Variants in SPAG1 observed in about 807,000 individuals in gnomAD.
SPAG1 encodes the protein sperm associated antigen 1.
Under a neutral mutation model 100.5 loss-of-function variants are expected in SPAG1, and 69 were observed. The observed-to-expected ratio is 0.69, with a 90% CI of 0.57 to 0.84. The LOEUF (loss-of-function observed/expected upper bound fraction) is 0.84. Among genes scored for constraint, SPAG1 ranks in the 40% least tolerant of loss-of-function variants. The pLI is 0.00. For synonymous variants in SPAG1, 336 were observed against 411.6 expected (o/e 0.82, Z 2.22); for missense variants, 955 against 1,133.1 (o/e 0.84, Z 2.26).
At position 100,162,288 on chromosome 8, in the gene SPAG1, C is replaced by G; in HGVS notation, c.8C>G (p.Thr3Ser). 1 of 1,597,816 alleles carries G rather than the reference C, an allele frequency of 6.3e-7. No homozygotes were observed. The highest frequency in any genetic ancestry group is 8.5e-7 in the Non-Finnish European group (1 of 1,174,066). ...AAATATTGTATTTCAGCTATGACCA[C>G]CAAAGATTATCCATCATTGTGGGGC... is the stretch of plus-strand genomic sequence containing the variant. Reference protein sequence around the residue: MTTKDYPSLWGFG... With the variant: MTSKDYPSLWGFG... Residue 3 changes from threonine to serine, a missense_variant, in exon 2 of 19, where the codon ACC (threonine) becomes AGC (serine). Physicochemically the swap from Thr to Ser is moderately conservative, Grantham distance 58 (BLOSUM62 1). Transcript: ENST00000388798.
intron 2 of SPAG1, 108 bp downstream of exon 2, chr8:100,162,528 A>G: frequency 1.1e-6 from 1 of 893,182 alleles, no homozygotes. Flanking sequence ...TTGCCCATGC[A>G]TGGTAGGTCC....
intron 16 of SPAG1, among the ~76,000 whole-genome samples, chr8:100,236,577 T>A (rs1819017112): frequency 6.6e-6 from 1 of 152,210 alleles, no homozygotes; most frequent in African/African-American, 2.4e-5. Flanking sequence ...TGCCTTTAGC[T>A]CCCAGCTCAA....
intron 3 of SPAG1, among the ~76,000 whole-genome samples, chr8:100,169,411 C>T (rs1815718542): frequency 6.6e-6 from 1 of 152,156 alleles, no homozygotes. Context: ...GGCTGGACAA[C>T]ACAGCAAGAC....
In SPAG1 at chr8:100,194,361, C is replaced by CT. The variant is rs1317027624; in HGVS notation, c.1096+94dup. 5 of 1,528,892 alleles carry CT rather than the reference C, an allele frequency of 3.3e-6. No individual in the cohort carries two copies. The South Asian group carries it at 6.1e-5, about 19-fold the overall frequency. The allele number at this position is 1,528,892 out of a possible 1,614,324, so 94.7% of individuals were successfully genotyped here. A position where few individuals can be genotyped will look rare whatever the true frequency, so the allele number is the denominator to read the frequency against. On this transcript the variant is annotated intron_variant, in intron 10 of 18. Transcript: ENST00000388798. Reference sequence around the variant, plus strand: ...TTCTATTCGTACAGAAATTCGTAATCTATCAGTTTTTCTAGCTTTGCCTTG... The same window carrying CT: ...TTCTATTCGTACAGAAATTCGTAATCTTATCAGTTTTTCTAGCTTTGCCTTG...
chr8:100,203,039 T>A (rs1817356093), intron 10 of SPAG1, among the ~76,000 whole-genome samples: 1 of 152,182 alleles, frequency 6.6e-6, no homozygotes, highest in African/African-American at 2.4e-5. Context: ...AAAGTATTGA[T>A]CCTGGGTGTG....
intron 12 of SPAG1, among the ~76,000 whole-genome samples, chr8:100,214,721 G>A (rs1817888952): frequency 6.6e-6 from 1 of 152,012 alleles, no homozygotes; most frequent in Non-Finnish European, 1.5e-5. Context: ...AGTGGCTCAC[G>A]CCTGTAATCC....
rs759639859 is a variant in SPAG1, at chr8:100,183,413, A to G, written c.465A>G (p.Pro155=). 1.3e-6 allele frequency: 2 copies of G among 1,502,008 alleles called. No individual in the cohort carries two copies. Among genetic ancestry groups the G allele is most frequent in the Admixed American group, 1.8e-5 (1 of 56,254 alleles). 93.0% of individuals were successfully genotyped at this position (1,502,008 alleles called of 1,614,324 possible). A position where few individuals can be genotyped will look rare whatever the true frequency, so the allele number is the denominator to read the frequency against. The change falls in exon 5 of 19, where the codon CCA becomes CCG. Residue 155 remains proline (P), a synonymous_variant. Coordinates refer to ENST00000388798, the MANE Select transcript of SPAG1 (RefSeq NM_003114.5). ...YSKRPTKKKT[P]RDYAEWDKFD... is the part of the protein sequence containing the mutation. ...AAAGACCAACTAAAAAGAAAACTCC[A>G]AGGGATTACGCGGAATGGGATAAGT...
intron 10 of SPAG1, chr8:100,194,732 A>T (rs1816957688): frequency 8.5e-6 from 2 of 235,722 alleles, no homozygotes; most frequent in South Asian, 3.3e-4. Context: ...AAAAGAAATA[A>T]GTATAATTTA....
intron 10 of SPAG1, among the ~76,000 whole-genome samples, chr8:100,204,226 C>T (rs993440028): frequency 2.6e-5 from 4 of 152,118 alleles, no homozygotes; most frequent in Admixed American, 2.0e-4. Flanking sequence ...CCCCAACAAC[C>T]TTGTTTGCTT....
At position 100,239,523 on chromosome 8, in the gene SPAG1, G is replaced by A. The variant is rs1586567410; in HGVS notation, c.2280+119G>A. Reference sequence around the variant, plus strand: ...TTTTGTGTTTTTATTCTGATGATCAGTGACAAAATTTTAACCAGCAACAAA... The same window carrying A: ...TTTTGTGTTTTTATTCTGATGATCAATGACAAAATTTTAACCAGCAACAAA... On this transcript the variant is annotated intron_variant, in intron 17 of 18. Transcript: ENST00000388798. The surrounding 1 kb of genome is among the most constrained non-coding windows in gnomAD (Gnocchi z 5.0). The A allele has an allele frequency of 4.4e-6, 3 of 686,784 alleles. No individual in the cohort carries two copies. Among genetic ancestry groups the A allele is most frequent in the Non-Finnish European group, 7.5e-6 (3 of 402,506 alleles). 42.5% of individuals were successfully genotyped at this position (686,784 alleles called of 1,614,324 possible).
At chr8:100,219,591 TAC>T (rs1340303131) in intron 12 of SPAG1, among the ~76,000 whole-genome samples, 2 of 152,252 alleles carry the variant, frequency 1.3e-5, no homozygotes, top group African/African-American at 4.8e-5. Context: ...GGATTATATG[TAC>T]AGTTTTTTTA....
chr8:100,214,963 G>A (rs767302875), intron 12 of SPAG1, among the ~76,000 whole-genome samples: 62 of 122,200 alleles, frequency 5.1e-4, no homozygotes, highest in Non-Finnish European at 1.0e-3. Flanking sequence ...CTGGGCAACA[G>A]ACAAGAGACT....
At chr8:100,227,482 T>G (rs900207242) in intron 14 of SPAG1, among the ~76,000 whole-genome samples, 1 of 152,184 alleles carries the variant, frequency 6.6e-6, no homozygotes, top group Non-Finnish European at 1.5e-5. Context: ...ACAGGGAATA[T>G]CTGCCAAGTA....
chr8:100,195,022 G>C (rs1816972258), intron 10 of SPAG1, among the ~76,000 whole-genome samples: 1 of 152,020 alleles, frequency 6.6e-6, no homozygotes, highest in Non-Finnish European at 1.5e-5. Context: ...AAAATTAGCT[G>C]GGTGTGATGG....
At chr8:100,184,503 C>G in intron 6 of SPAG1, 125 bp from the exon 7 acceptor site, 1 of 506,436 alleles carries the variant, frequency 2.0e-6, no homozygotes. Flanking sequence ...CTTTTATTTT[C>G]TTTTGTTTAT....
At chr8:100,237,321 T>G (rs1314977277) in intron 16 of SPAG1, among the ~76,000 whole-genome samples, 1 of 152,162 alleles carries the variant, frequency 6.6e-6, no homozygotes, top group East Asian at 1.9e-4. Flanking sequence ...CCTCAGGTGA[T>G]CCACCCACCT....
rs1371351331 is a variant in SPAG1, at chr8:100,165,305, A to AT, written c.141-503dup. On this transcript the variant is annotated intron_variant, in intron 2 of 18. Transcript: ENST00000388798. ...AACATTTCCAGCAGGTCTGTGCAGG[A>AT]TTTTTTCCTATTCCATCATTGGTAA... The AT allele has an allele frequency of 2.1e-5, 11 of 512,228 alleles. No individual in the cohort carries two copies. In the Admixed American group the frequency reaches 2.4e-4, roughly 11 times the overall value. 31.7% of individuals were successfully genotyped at this position (512,228 alleles called of 1,614,324 possible).
At chr8:100,164,404 A>G (rs994077187) in intron 2 of SPAG1, among the ~76,000 whole-genome samples, 2 of 152,192 alleles carry the variant, frequency 1.3e-5, no homozygotes, top group Admixed American at 1.3e-4. Flanking sequence ...GAAACTTAGA[A>G]AAAGTAAATG....
intron 9 of SPAG1, among the ~76,000 whole-genome samples, chr8:100,193,563 T>G (rs1432009803): frequency 6.6e-6 from 1 of 152,182 alleles, no homozygotes; most frequent in African/African-American, 2.4e-5. Flanking sequence ...CAAAGGATGA[T>G]ATATCTATTT....
Sources: allele counts gnomAD v4.1 joint callset (sites outside exome capture counted in the v4.1 genomes callset), GRCh38; gene constraint gnomAD v4.1.1; non-coding constraint Gnocchi (gnomAD v3.1); transcripts MANE v1.5; gene names NCBI Gene and HGNC (gene_info 2026-07-23, HGNC 2026-07-21).